Variants in SLIT3 observed in about 807,000 individuals in gnomAD.
SLIT3 encodes slit guidance ligand 3.
In SLIT3, 68 loss-of-function variants were observed where a neutral mutation model predicts 184.0. That is an observed-to-expected ratio of 0.37 (90% CI 0.30 to 0.45). The LOEUF (loss-of-function observed/expected upper bound fraction) is 0.45. Among genes scored for constraint, SLIT3 ranks in the 20% least tolerant of loss-of-function variants. SLIT3 has a pLI of 1.00. For synonymous variants in SLIT3, 831 were observed against 828.6 expected, an observed-to-expected ratio of 1.00 and a Z score of -0.05; for missense variants, 1,707 against 2,026.0, an observed-to-expected ratio of 0.84 and a Z score of 3.02.
chr5:168,813,507 G>C (rs975127289), intron 8 of SLIT3, among the ~76,000 whole-genome samples: 3 of 152,120 alleles, frequency 2.0e-5, no homozygotes, highest in South Asian at 2.1e-4. Flanking sequence ...AAGCTGAAGG[G>C]GGCCAAGTAG....
chr5:168,882,624 T>C (rs567513861), intron 5 of SLIT3, among the ~76,000 whole-genome samples: 47 of 152,312 alleles, frequency 3.1e-4, no homozygotes, highest in African/African-American at 1.1e-3. Context: ...TTATGTCAGA[T>C]GCTACCATTG....
At chr5:168,723,380 C>A (rs1763007758) in intron 21 of SLIT3, among the ~76,000 whole-genome samples, 1 of 151,984 alleles carries the variant, frequency 6.6e-6, no homozygotes, top group African/African-American at 2.4e-5. Context: ...ACTCATCCAC[C>A]CACTCATTCA....
intron 3 of SLIT3, among the ~76,000 whole-genome samples, chr5:169,209,535 G>A (rs112013881): frequency 2.3e-4 from 35 of 152,112 alleles, no homozygotes; most frequent in African/African-American, 8.0e-4. Context: ...CAAAGACTTG[G>A]AACCAACCCA....
At chr5:169,120,830 C>A (rs1760848616) in intron 4 of SLIT3, among the ~76,000 whole-genome samples, 2 of 152,086 alleles carry the variant, frequency 1.3e-5, no homozygotes, top group South Asian at 2.1e-4. Flanking sequence ...ACTGGCCCAC[C>A]ACCCATATCC....
At chr5:168,710,621 A>G (rs977134818) in intron 25 of SLIT3, among the ~76,000 whole-genome samples, 1 of 151,912 alleles carries the variant, frequency 6.6e-6, no homozygotes, top group Non-Finnish European at 1.5e-5. Context: ...AAAAAAAAAA[A>G]GATATTCTCC....
intron 4 of SLIT3, among the ~76,000 whole-genome samples, chr5:169,034,912 AGTGTGTGTGTGTGTGTGTGTGTGTGT>A (rs112102059): frequency 3.4e-4 from 45 of 132,420 alleles, no homozygotes; most frequent in Non-Finnish European, 3.6e-4. Flanking sequence ...ACGCCCAGCT[AGTGTGTGTGTGTGTGTGTGTGTGTGT>A]GTGTGTGTGT....
intron 4 of SLIT3, among the ~76,000 whole-genome samples, chr5:169,005,855 C>A (rs949601354): frequency 1.3e-5 from 2 of 152,196 alleles, no homozygotes; most frequent in Non-Finnish European, 2.9e-5. Context: ...TCAAAGGCAA[C>A]CTATGTTATT....
At chr5:168,826,965 T>C (rs539800012) in intron 6 of SLIT3, among the ~76,000 whole-genome samples, 49 of 152,196 alleles carry the variant, frequency 3.2e-4, no homozygotes, top group Non-Finnish European at 5.7e-4. Flanking sequence ...GGTTTTGCCA[T>C]GTTGGCCAGG....
intron 4 of SLIT3, among the ~76,000 whole-genome samples, chr5:169,183,261 T>A (rs1473566126): frequency 1.3e-5 from 2 of 152,214 alleles, no homozygotes; most frequent in Non-Finnish European, 2.9e-5. Flanking sequence ...GGGTGTTTGT[T>A]TTATTTTTCC....
intron 3 of SLIT3, among the ~76,000 whole-genome samples, chr5:169,222,223 T>C (rs1764638998): frequency 6.6e-6 from 1 of 152,214 alleles, no homozygotes; most frequent in South Asian, 2.1e-4. Flanking sequence ...CCTGTTTCAT[T>C]TTTACTTAAA....
At chr5:169,246,037 G>A (rs910328945) in intron 2 of SLIT3, among the ~76,000 whole-genome samples, 1 of 152,120 alleles carries the variant, frequency 6.6e-6, no homozygotes, top group African/African-American at 2.4e-5. Context: ...TATGTGTCTG[G>A]GACAGGTAAC....
chr5:168,810,797 GATC>G (rs951725355), intron 8 of SLIT3, among the ~76,000 whole-genome samples: 121 of 152,260 alleles, frequency 7.9e-4, no homozygotes, highest in African/African-American at 2.7e-3. Flanking sequence ...GCTCCTCACT[GATC>G]ATCAGTGGTG....
At chr5:168,762,113 C>G (rs1327505673) in intron 15 of SLIT3, among the ~76,000 whole-genome samples, 1 of 151,764 alleles carries the variant, frequency 6.6e-6, no homozygotes, top group Non-Finnish European at 1.5e-5. Flanking sequence ...TAAACCAACA[C>G]ATCCCTTTAT....
At chr5:168,669,744 AC>A in intron 35 of SLIT3, 38 bp downstream of exon 35, 1 of 1,545,298 alleles carries the variant, frequency 6.5e-7, no homozygotes, top group Non-Finnish European at 8.9e-7. Flanking sequence ...TCCAACTCTG[AC>A]CCCCACTTCC....
chr5:169,206,469 A>T (rs1379141368), intron 3 of SLIT3, among the ~76,000 whole-genome samples: 2 of 152,166 alleles, frequency 1.3e-5, no homozygotes, highest in Non-Finnish European at 2.9e-5. Flanking sequence ...AAATAGAAAT[A>T]CTCTAGCTAG....
chr5:169,287,058 C>G (rs1275383459), intron 1 of SLIT3, among the ~76,000 whole-genome samples: 1 of 152,178 alleles, frequency 6.6e-6, no homozygotes, highest in African/African-American at 2.4e-5. Flanking sequence ...TCAGAAAGTA[C>G]TAAAATGTAT....
At chr5:169,099,872 C>T (rs1345077564) in intron 4 of SLIT3, among the ~76,000 whole-genome samples, 3 of 152,184 alleles carry the variant, frequency 2.0e-5, no homozygotes, top group Non-Finnish European at 2.9e-5. Flanking sequence ...AGGTGTGCCC[C>T]GAAGGCAAGG....
At chr5:168,826,028 C>T (rs1271106231) in intron 6 of SLIT3, among the ~76,000 whole-genome samples, 1 of 152,200 alleles carries the variant, frequency 6.6e-6, no homozygotes, top group Non-Finnish European at 1.5e-5. Flanking sequence ...GGGCTTCTTT[C>T]CAAGCACACC....
chr5:168,676,163 TTCCATCCA>T (rs113432099), intron 32 of SLIT3, among the ~76,000 whole-genome samples: 30,074 of 150,216 alleles, frequency 0.2, 3,196 homozygotes, highest in East Asian at 0.41. Flanking sequence ...ATCTACTCTC[TTCCATCCA>T]TCCATCCATC....
Sources: gnomAD v4.1 joint callset for allele counts (sites outside exome capture counted in the v4.1 genomes callset) on GRCh38, gnomAD v4.1.1 for gene constraint, MANE v1.5 for transcripts, NCBI Gene and HGNC (gene_info 2026-07-23, HGNC 2026-07-21) for gene names.